Variants in CIT observed in about 807,000 individuals in gnomAD.
The protein encoded by CIT is citron rho-interacting serine/threonine kinase, also known as citron Rho-interacting kinase.
In CIT, 79 loss-of-function variants were observed where a neutral mutation model predicts 272.7. The ratio of observed to expected loss-of-function variants is 0.29; its 90% CI spans 0.24 to 0.35. CIT has a LOEUF of 0.35. Among genes scored for constraint, CIT ranks in the 10% least tolerant of loss-of-function variants. CIT has a pLI of 1.00. For synonymous variants in CIT, 948 were observed against 995.6 expected, an observed-to-expected ratio of 0.95 and a Z score of 0.90; for missense variants, 1,909 against 2,618.3, an observed-to-expected ratio of 0.73 and a Z score of 5.91.
chr12:119,861,595 A>AAAAAG (rs957340148), intron 3 of CIT, among the ~76,000 whole-genome samples: 6 of 152,148 alleles, frequency 3.9e-5, no homozygotes, highest in African/African-American at 4.8e-5. Context: ...CTCAAAAAAA[A>AAAAAG]AAAAGAAAAG....
Position 119,713,673 on chromosome 12 carries a change from G to A in CIT, c.4307-25C>T, listed in dbSNP as rs1006793120. On this transcript the variant is annotated intron_variant, in intron 33 of 47. Transcript: ENST00000392521. The surrounding 1 kb of genome is among the most constrained non-coding windows in gnomAD (Gnocchi z 5.2). ...TCTAGGGAAGAACAGTGAGCAACCT[G>A]AGGGCATGCTCAGCTGACCCTGGAC... 6.2e-7 allele frequency: 1 copy of A among 1,612,216 alleles called. No individual in the cohort carries two copies. Among genetic ancestry groups the A allele is most frequent in the Admixed American group, 1.7e-5 (1 of 60,030 alleles).
chr12:119,848,813 C>G lies in CIT; in HGVS notation c.516+1361G>C, dbSNP rs188162834. 4.4e-3 allele frequency among the ~76,000 whole-genome samples: 666 copies of G among 152,110 alleles called. 8 individuals carry two copies. The highest frequency in any genetic ancestry group is 0.015 in the African/African-American group (640 of 41,518). On this transcript the variant is annotated intron_variant, in intron 5 of 47. Coordinates refer to ENST00000392521, the MANE Select transcript of CIT (RefSeq NM_001206999.2). ...GGCCAAGGCAGGAAGATCTCTTGAG[C>G]TCAGGACTTCGAAACCAGCCTGGGC...
intron 10 of CIT, among the ~76,000 whole-genome samples, chr12:119,788,587 T>C (rs1323534138): frequency 6.6e-6 from 1 of 152,000 alleles, no homozygotes. Flanking sequence ...TAATGACACA[T>C]AGAAGGCTGG....
chr12:119,729,013 T>A (rs898757897), intron 27 of CIT, among the ~76,000 whole-genome samples: 5 of 152,222 alleles, frequency 3.3e-5, no homozygotes, highest in African/African-American at 1.2e-4. Flanking sequence ...ACTAGACATG[T>A]ATGCAAATAA....
rs570326249 is a variant in CIT, at chr12:119,735,061, G to A, written c.3156+99C>T. 90 of 1,062,314 alleles carry A rather than the reference G, an allele frequency of 8.5e-5. 1 individual carries two copies. In the African/African-American group the frequency reaches 1.3e-3, roughly 15 times the overall value. 65.8% of individuals were successfully genotyped at this position (1,062,314 alleles called of 1,614,324 possible). ...TTTAAAAAGAGCCCAATTACTGTAT[G>A]AGGTTCAGTGTTGGAACCCTTGGGA... is the stretch of plus-strand genomic sequence containing the variant. On this transcript the variant is annotated intron_variant, in intron 25 of 47. Transcript: ENST00000392521.
At chr12:119,795,423 T>C (rs1965649328) in intron 10 of CIT, among the ~76,000 whole-genome samples, 1 of 152,112 alleles carries the variant, frequency 6.6e-6, no homozygotes, top group Non-Finnish European at 1.5e-5. Context: ...CTTGGAAAAG[T>C]TGACCACCCT....
At chr12:119,823,527 T>G (rs1421660856) in intron 8 of CIT, among the ~76,000 whole-genome samples, 2 of 152,080 alleles carry the variant, frequency 1.3e-5, no homozygotes, top group Non-Finnish European at 2.9e-5. Flanking sequence ...AATGAGTGAG[T>G]GAGCTAAAGG....
Position 119,744,086 on chromosome 12 carries a change from G to A in CIT, c.2905-1622C>T, listed in dbSNP as rs1959172986. On this transcript the variant is annotated intron_variant, in intron 23 of 47. Coordinates refer to ENST00000392521, the MANE Select transcript of CIT (RefSeq NM_001206999.2). ...ATAGAACAAAGGTAGAACGTAGCAG[G>A]GAAACCAATGAAGGTACTGTTACTG... 1.3e-5 allele frequency among the ~76,000 whole-genome samples: 2 copies of A among 152,172 alleles called. 1 individual carries two copies. Among genetic ancestry groups the A allele is most frequent in the African/African-American group, 4.8e-5 (2 of 41,426 alleles).
At chr12:119,837,413 C>A (rs757665502) in intron 5 of CIT, among the ~76,000 whole-genome samples, 1 of 152,160 alleles carries the variant, frequency 6.6e-6, no homozygotes, top group South Asian at 2.1e-4. Flanking sequence ...TCATAAAATA[C>A]GTTTGGATTG....
intron 9 of CIT, among the ~76,000 whole-genome samples, chr12:119,815,647 A>G (rs916165086): frequency 7.9e-5 from 12 of 152,072 alleles, no homozygotes; most frequent in African/African-American, 2.7e-4. Context: ...CAGAGGTTGC[A>G]ACGAGCCGAG....
intron 10 of CIT, among the ~76,000 whole-genome samples, chr12:119,796,414 C>G (rs1344713582): frequency 2.6e-5 from 4 of 152,156 alleles, no homozygotes; most frequent in African/African-American, 9.7e-5. Context: ...AGAGGCACCA[C>G]TTGGAGAAAT....
chr12:119,739,603 T>G (rs1173452259), intron 24 of CIT, among the ~76,000 whole-genome samples: 1 of 152,108 alleles, frequency 6.6e-6, no homozygotes, highest in Non-Finnish European at 1.5e-5. Flanking sequence ...GTATTCAAAC[T>G]TTTTAAAGTA....
Position 119,784,356 on chromosome 12 carries a change from G to GT in CIT, c.1402-306dup. The GT allele has an allele frequency of 2.3e-6, 3 of 1,322,450 alleles. No homozygotes were observed. The highest frequency in any genetic ancestry group is 9.8e-7 in the Non-Finnish European group (1 of 1,018,540). 81.9% of individuals were successfully genotyped at this position (1,322,450 alleles called of 1,614,324 possible). On this transcript the variant is annotated intron_variant, in intron 11 of 47. Transcript: ENST00000392521. This position sits in a 1 kb window ranked among gnomAD's most constrained non-coding sequence, Gnocchi z 4.7. ...ACCTGTTTGCTTTTGTTTTTGTTTT[G>GT]TTTTTGCAGACGTCACTTTAATTTT...
Position 119,688,052 on chromosome 12 carries a change from G to A in CIT, c.*180C>T, listed in dbSNP as rs548661142. On this transcript the variant is annotated 3_prime_UTR_variant, in exon 48 of 48. Transcript: ENST00000392521. ...GGCACCGGGCGCTGACAGCTCCGAA[G>A]AGCCTCAGCCACCTGCCCCTCCTGG... 1 of 658,396 alleles carries A rather than the reference G, an allele frequency of 1.5e-6. No individual in the cohort carries two copies. Among genetic ancestry groups the A allele is most frequent in the Admixed American group, 2.7e-5 (1 of 37,528 alleles). The allele number at this position is 658,396 out of a possible 1,614,324, so 40.8% of individuals were successfully genotyped here. A position where few individuals can be genotyped will look rare whatever the true frequency, so the allele number is the denominator to read the frequency against.
At position 119,804,746 on chromosome 12, in the gene CIT, G is replaced by C. The variant is rs1966495248; in HGVS notation, c.1112-1357C>G. Among the ~76,000 whole-genome samples the C allele has an allele frequency of 6.6e-6, 1 of 152,210 alleles. No individual in the cohort carries two copies. Among genetic ancestry groups the C allele is most frequent in the Non-Finnish European group, 1.5e-5 (1 of 68,038 alleles). ...ATTGGAGCAGGAAAGGGATGTGGAG[G>C]GGAGAGGAGATGAAGCCAGAGGTCT... is the stretch of plus-strand genomic sequence containing the variant. On this transcript the variant is annotated intron_variant, in intron 9 of 47. Coordinates refer to ENST00000392521, the MANE Select transcript of CIT (RefSeq NM_001206999.2). The surrounding 1 kb of genome is among the most constrained non-coding windows in gnomAD (Gnocchi z 5.3).
intron 7 of CIT, among the ~76,000 whole-genome samples, chr12:119,826,123 C>G (rs140040138): frequency 8.3e-4 from 127 of 152,162 alleles, no homozygotes; most frequent in Non-Finnish European, 1.3e-3. Flanking sequence ...TATTACAAAT[C>G]TCAAGTTCAA....
intron 5 of CIT, among the ~76,000 whole-genome samples, chr12:119,844,122 A>G (rs1347741028): frequency 6.6e-6 from 1 of 151,350 alleles, no homozygotes; most frequent in Non-Finnish European, 1.5e-5. Flanking sequence ...CCTGGGTTCA[A>G]GTGATTCTCC....
At chr12:119,803,436 C>T (rs1292899284) in intron 9 of CIT, 47 bp from the exon 10 acceptor site, 2 of 1,371,902 alleles carry the variant, frequency 1.5e-6, no homozygotes, top group Non-Finnish European at 2.0e-6. Flanking sequence ...AAAAAAATTT[C>T]AGCCGGATTC....
At chr12:119,854,882 C>A (rs112414612) in intron 4 of CIT, among the ~76,000 whole-genome samples, 2,719 of 152,056 alleles carry the variant, frequency 0.018, 77 homozygotes, top group African/African-American at 0.063. Context: ...ACCTGGGAGG[C>A]GGGGTTGCAG....
Sources: gnomAD v4.1 joint callset for allele counts (sites outside exome capture counted in the v4.1 genomes callset) on GRCh38, gnomAD v4.1.1 for gene constraint, Gnocchi (gnomAD v3.1) non-coding constraint, MANE v1.5 for transcripts, NCBI Gene and HGNC (gene_info 2026-07-23, HGNC 2026-07-21) for gene names.